The following UBE2N variants were observed in gnomAD, a reference collection of about 807,000 sequenced individuals.
UBE2N encodes ubiquitin conjugating enzyme E2 N, also known as ubiquitin-conjugating enzyme E2 N.
For synonymous variants in UBE2N, 70 were observed against 69.2 expected, an observed-to-expected ratio of 1.01 and a Z score of -0.06; for missense variants, 60 against 192.1, an observed-to-expected ratio of 0.31 and a Z score of 4.07.
intron 1 of UBE2N, among the ~76,000 whole-genome samples, chr12:93,430,866 C>A (rs1372457931): frequency 2.0e-5 from 3 of 150,122 alleles, no homozygotes; most frequent in Non-Finnish European, 4.4e-5. Context: ...GTGATCCCAG[C>A]TACTCGGGAT....
chr12:93,439,338 T>G (rs1228746694), intron 1 of UBE2N, among the ~76,000 whole-genome samples: 2 of 152,048 alleles, frequency 1.3e-5, no homozygotes, highest in African/African-American at 4.8e-5. Context: ...ATTAGCTGGG[T>G]GTGGTGGCAT....
chr12:93,429,563 T>TA (rs34053448), intron 1 of UBE2N, among the ~76,000 whole-genome samples: 5,553 of 138,718 alleles, frequency 0.04, 230 homozygotes, highest in African/African-American at 0.11. Flanking sequence ...TTCTGCTTGT[T>TA]AAAAAAAAAA....
chr12:93,429,419 C>T lies in UBE2N; in HGVS notation c.30+12436G>A, dbSNP rs150430017. On this transcript the variant is annotated intron_variant, in intron 1 of 3. Transcript: ENST00000318066. ...CAGTGGTACTTTAAATACAGTCATG[C>T]GCTGTATGAGTTTCAGTCAATGATC... The T allele has an allele frequency of 5.8e-3, 1,944 of 334,784 alleles. 9 individuals carry two copies. Among genetic ancestry groups the T allele is most frequent in the Non-Finnish European group, 7.8e-3 (1,347 of 173,206 alleles). 20.7% of individuals were successfully genotyped at this position (334,784 alleles called of 1,614,324 possible).
chr12:93,411,543 A>G (rs556206504), intron 1 of UBE2N, among the ~76,000 whole-genome samples: 1 of 152,212 alleles, frequency 6.6e-6, no homozygotes, highest in Non-Finnish European at 1.5e-5. Context: ...GTCTACAAAT[A>G]TGTTAATAAA....
chr12:93,432,598 A>T (rs2121093236), intron 1 of UBE2N, among the ~76,000 whole-genome samples: 1 of 152,326 alleles, frequency 6.6e-6, no homozygotes, highest in East Asian at 1.9e-4. Context: ...TAAATTTGTT[A>T]GTTCTTTCTA....
chr12:93,432,567 A>G (rs1878803706), intron 1 of UBE2N, among the ~76,000 whole-genome samples: 1 of 152,148 alleles, frequency 6.6e-6, no homozygotes. Flanking sequence ...CAATAAAAAA[A>G]TCACCAATGG....
In UBE2N at chr12:93,410,592, C is replaced by G. The variant is rs1330096854; in HGVS notation, c.418+142G>C. The G allele has an allele frequency of 3.9e-6, 5 of 1,274,252 alleles. No homozygotes were observed. The South Asian group carries it at 7.4e-5, about 19-fold the overall frequency. The allele number at this position is 1,274,252 out of a possible 1,614,324, so 78.9% of individuals were successfully genotyped here. On this transcript the variant is annotated intron_variant, in intron 3 of 3. Coordinates refer to ENST00000318066, the MANE Select transcript of UBE2N (RefSeq NM_003348.4). Reference sequence around the variant, plus strand: ...CCCATAGCAAGCCATTTTGTTAAGACGTATTTACATACTATAAGCAGGATC... The same window carrying G: ...CCCATAGCAAGCCATTTTGTTAAGAGGTATTTACATACTATAAGCAGGATC...
intron 1 of UBE2N, among the ~76,000 whole-genome samples, chr12:93,439,778 G>T (rs896960870): frequency 5.3e-5 from 8 of 152,144 alleles, no homozygotes; most frequent in African/African-American, 1.9e-4. Flanking sequence ...ATCCTTTTAA[G>T]CTATAAATGA....
intron 1 of UBE2N, among the ~76,000 whole-genome samples, chr12:93,438,223 G>A (rs1373555856): frequency 6.6e-6 from 1 of 152,120 alleles, no homozygotes; most frequent in Non-Finnish European, 1.5e-5. Context: ...AAGGTTTAAT[G>A]GGGAATAGAG....
At chr12:93,432,143 A>G (rs1005724031) in intron 1 of UBE2N, among the ~76,000 whole-genome samples, 1 of 152,110 alleles carries the variant, frequency 6.6e-6, no homozygotes, top group African/African-American at 2.4e-5. Context: ...GAGGCAGGAG[A>G]ATTGCTTGAA....
rs145205431 is a variant in UBE2N at position 93,438,416 on chromosome 12, A to G, written c.30+3439T>C. Among the ~76,000 whole-genome samples the G allele has an allele frequency of 6.7e-3, 1,017 of 152,320 alleles. 13 individuals carry two copies. Among genetic ancestry groups the G allele is most frequent in the African/African-American group, 0.023 (950 of 41,566 alleles). ...AACTGGACAAAGCAAGCAATGCAAC[A>G]AACTGGAGGAAAGTCCTGTGACTGG... On this transcript the variant is annotated intron_variant, in intron 1 of 3. Coordinates refer to ENST00000318066, the MANE Select transcript of UBE2N (RefSeq NM_003348.4).
intron 1 of UBE2N, among the ~76,000 whole-genome samples, chr12:93,431,537 TA>T: frequency 6.6e-6 from 1 of 152,268 alleles, no homozygotes; most frequent in East Asian, 1.9e-4. Flanking sequence ...TAGAATTAAG[TA>T]AATTAATGCA....
intron 1 of UBE2N, among the ~76,000 whole-genome samples, chr12:93,434,679 T>TA (rs1878876493): frequency 6.6e-6 from 1 of 152,074 alleles, no homozygotes; most frequent in Non-Finnish European, 1.5e-5. Flanking sequence ...AATCCACAAA[T>TA]AAACTTGGCA....
intron 1 of UBE2N, among the ~76,000 whole-genome samples, chr12:93,413,669 C>T (rs1878104214): frequency 2.6e-5 from 4 of 152,152 alleles, no homozygotes. Context: ...ACACATCTAG[C>T]CTGATTGGCA....
chr12:93,433,126 G>A (rs1364391725), intron 1 of UBE2N, among the ~76,000 whole-genome samples: 1 of 151,826 alleles, frequency 6.6e-6, no homozygotes, highest in Non-Finnish European at 1.5e-5. Context: ...GTAGAGACGG[G>A]GTTTCACCAT....
At chr12:93,430,669 G>A (rs559550398) in intron 1 of UBE2N, among the ~76,000 whole-genome samples, 1 of 151,248 alleles carries the variant, frequency 6.6e-6, no homozygotes, top group African/African-American at 2.4e-5. Flanking sequence ...TCCCAACACT[G>A]TGGGAGGCTG....
intron 1 of UBE2N, among the ~76,000 whole-genome samples, chr12:93,435,268 T>A (rs1384412056): frequency 6.6e-6 from 1 of 151,634 alleles, no homozygotes; most frequent in African/African-American, 2.4e-5. Flanking sequence ...AGGTCAGGAG[T>A]TCGAGACCAG....
At chr12:93,430,752 A>C (rs1209127294) in intron 1 of UBE2N, among the ~76,000 whole-genome samples, 1 of 148,894 alleles carries the variant, frequency 6.7e-6, no homozygotes, top group African/African-American at 2.4e-5. Flanking sequence ...GTCTCTATGT[A>C]ATATATATTA....
chr12:93,410,988 T>G, intron 2 of UBE2N, 65 bp downstream of exon 2: 1 of 1,613,764 alleles, frequency 6.2e-7, no homozygotes, highest in South Asian at 1.1e-5. Flanking sequence ...ATTCTAAACA[T>G]GGAATGCTTA....
Sources: gnomAD v4.1 joint callset for allele counts (sites outside exome capture counted in the v4.1 genomes callset) on GRCh38, gnomAD v4.1.1 for gene constraint, MANE v1.5 for transcripts, NCBI Gene and HGNC (gene_info 2026-07-23, HGNC 2026-07-21) for gene names.